Variants in ESR1 observed in about 807,000 individuals in gnomAD.
ESR1 encodes the protein estrogen receptor 1, also known as estrogen receptor.
Under a neutral mutation model 52.7 loss-of-function variants are expected in ESR1, and 12 were observed. The observed-to-expected ratio is 0.23, with a 90% CI of 0.15 to 0.37. ESR1 has a LOEUF of 0.37. Ranked by LOEUF, ESR1 falls within the 10% of genes least tolerant of loss-of-function variation. The pLI is 1.00. For missense variants in ESR1, 584 were observed against 779.7 expected (o/e 0.75, Z 2.99); for synonymous variants, 305 against 316.8 (o/e 0.96, Z 0.39).
chr6:151,944,127 C>T (rs766295948), intron 3 of ESR1, 46 bp from the exon 4 acceptor site: 1 of 1,551,062 alleles, frequency 6.4e-7, no homozygotes. Context: ...TAAAAGTTTA[C>T]ACGGGAAAAA....
rs2050983908 is a variant in ESR1 at position 152,102,208 on chromosome 6, T to G, written c.*3242T>G. On this transcript the variant is annotated 3_prime_UTR_variant, in exon 8 of 8. Transcript: ENST00000206249. Reference sequence around the variant, plus strand: ...ACAAATAAGGGACTTACTGATAATTTACTTTTGATCACATTAAGGTGTTCT... The same window carrying G: ...ACAAATAAGGGACTTACTGATAATTGACTTTTGATCACATTAAGGTGTTCT... The G allele has an allele frequency of 4.8e-6, 1 of 208,190 alleles. No homozygotes were observed. The allele number at this position is 208,190 out of a possible 1,614,324, so 12.9% of individuals were successfully genotyped here.
intron 2 of ESR1, among the ~76,000 whole-genome samples, chr6:151,738,403 T>C (rs371385507): frequency 1.5e-4 from 23 of 152,274 alleles, no homozygotes; most frequent in African/African-American, 5.3e-4. Context: ...TTGGATCATA[T>C]GGTAGTTCTA....
chr6:151,749,834 G>T (rs933799625), intron 2 of ESR1, among the ~76,000 whole-genome samples: 1 of 150,966 alleles, frequency 6.6e-6, no homozygotes, highest in African/African-American at 2.5e-5. Flanking sequence ...TGTCAACACA[G>T]ATCTGACAAT....
chr6:151,685,798 AC>A (rs1440552743), upstream of ESR1, among the ~76,000 whole-genome samples: 1 of 152,180 alleles, frequency 6.6e-6, no homozygotes, highest in Non-Finnish European at 1.5e-5. Context: ...TTATTTCCTC[AC>A]ATAAGATGTT....
intron 4 of ESR1, among the ~76,000 whole-genome samples, chr6:152,006,040 C>G (rs1412803290): frequency 6.6e-6 from 1 of 151,892 alleles, no homozygotes; most frequent in African/African-American, 2.4e-5. Flanking sequence ...GCTCACACCT[C>G]CTTATTATGG....
chr6:151,890,611 A>G (rs1399353293), intron 3 of ESR1, among the ~76,000 whole-genome samples: 3 of 152,190 alleles, frequency 2.0e-5, no homozygotes, highest in African/African-American at 4.8e-5. Flanking sequence ...ATTGTATTAC[A>G]GTCTATCTTC....
intron 5 of ESR1, among the ~76,000 whole-genome samples, chr6:152,041,727 C>T (rs1378028661): frequency 6.6e-6 from 1 of 152,202 alleles, no homozygotes; most frequent in Non-Finnish European, 1.5e-5. Flanking sequence ...ATCTCTCCAA[C>T]AAGATTATGA....
intron 4 of ESR1, among the ~76,000 whole-genome samples, chr6:151,977,809 TAA>T (rs771117570): frequency 4.0e-5 from 6 of 149,658 alleles, no homozygotes; most frequent in Non-Finnish European, 8.9e-5. Context: ...ATAATAATAA[TAA>T]AAAAAAGTGA....
At chr6:151,694,455 T>C (rs953911631) in intron 1 of ESR1, among the ~76,000 whole-genome samples, 1 of 152,178 alleles carries the variant, frequency 6.6e-6, no homozygotes, top group Non-Finnish European at 1.5e-5. Context: ...AATAAAGTAA[T>C]GCATGTAAAA....
chr6:151,686,731 A>C (rs528323315), upstream of ESR1, among the ~76,000 whole-genome samples: 1 of 145,482 alleles, frequency 6.9e-6, no homozygotes, highest in Admixed American at 6.9e-5. Context: ...CAACCAACCA[A>C]CCAGCACCTA....
In ESR1 at chr6:152,061,156, G is replaced by A. The variant is rs2047509970; in HGVS notation, c.1369+32G>A. 1.2e-6 allele frequency: 2 copies of A among 1,607,604 alleles called. No homozygotes were observed. Among genetic ancestry groups the A allele is most frequent in the East Asian group, 2.2e-5 (1 of 44,790 alleles). ...TGATAACACAAGATAACTCAATGCT[G>A]GATGAAATGTTTATTTGTAGTTTTC... On this transcript the variant is annotated intron_variant, in intron 6 of 7. Coordinates refer to ENST00000206249, the MANE Select transcript of ESR1 (RefSeq NM_000125.4). This position sits in a 1 kb window ranked among gnomAD's most constrained non-coding sequence, Gnocchi z 4.3.
intron 1 of ESR1, among the ~76,000 whole-genome samples, chr6:151,818,073 T>C (rs1207523298): frequency 6.6e-6 from 1 of 152,176 alleles, no homozygotes; most frequent in African/African-American, 2.4e-5. Flanking sequence ...TTTCCACAAA[T>C]AGAATACTGT....
chr6:151,879,601 A>G (rs1162481995), intron 2 of ESR1, among the ~76,000 whole-genome samples: 1 of 152,222 alleles, frequency 6.6e-6, no homozygotes, highest in Non-Finnish European at 1.5e-5. Context: ...AAGAGGGTTC[A>G]TCATAAAATA....
chr6:152,113,336 T>A (rs1182820190), intron 6 of ESR1, among the ~76,000 whole-genome samples: 1 of 152,112 alleles, frequency 6.6e-6, no homozygotes, highest in Non-Finnish European at 1.5e-5. Context: ...ACCCTCCTGA[T>A]GAAAGGAGTA....
intron 3 of ESR1, among the ~76,000 whole-genome samples, chr6:151,883,786 G>A (rs1425947240): frequency 2.0e-5 from 3 of 151,914 alleles, no homozygotes; most frequent in Admixed American, 6.6e-5. Context: ...GATTTTTCCC[G>A]AGGCCTCTCT....
At chr6:151,743,319 T>C (rs3020303) in intron 2 of ESR1, among the ~76,000 whole-genome samples, 85,325 of 151,704 alleles carry the variant, frequency 0.56, 24,571 homozygotes, top group African/African-American at 0.6. Flanking sequence ...CACATTTGCC[T>C]GCCCATGAGC....
At chr6:152,070,726 A>T (rs999577890) in intron 6 of ESR1, among the ~76,000 whole-genome samples, 1 of 138,782 alleles carries the variant, frequency 7.2e-6, no homozygotes, top group Non-Finnish European at 1.5e-5. Context: ...GGCCTCCCCC[A>T]TGGGGTCATT....
intron 6 of ESR1, chr6:152,122,512 C>G: frequency 6.2e-7 from 1 of 1,614,168 alleles, no homozygotes; most frequent in Non-Finnish European, 8.5e-7. Flanking sequence ...GAGGGCACAG[C>G]TGTAGTCTTC....
intron 2 of ESR1, among the ~76,000 whole-genome samples, chr6:151,706,508 G>A (rs1251592029): frequency 6.6e-6 from 1 of 152,120 alleles, no homozygotes; most frequent in Admixed American, 6.6e-5. Flanking sequence ...GAGGTGGGAG[G>A]GAAGAAGCAG....
Sources: gnomAD v4.1 joint callset for allele counts (sites outside exome capture counted in the v4.1 genomes callset) on GRCh38, gnomAD v4.1.1 for gene constraint, Gnocchi (gnomAD v3.1) non-coding constraint, MANE v1.5 for transcripts, NCBI Gene and HGNC (gene_info 2026-07-23, HGNC 2026-07-21) for gene names.